Variants in SCMH1 observed in about 807,000 individuals in gnomAD.
The protein encoded by SCMH1 is polycomb protein SCMH1.
SCMH1 carries 37 observed loss-of-function variants against 70.8 expected under a neutral mutation model. That is an observed-to-expected ratio of 0.52 (90% CI 0.40 to 0.69). The LOEUF is 0.69. Among genes scored for constraint, SCMH1 ranks in the 30% least tolerant of loss-of-function variants. The probability of loss-of-function intolerance (pLI) is 0.00; values close to 1 mark genes in which losing one functional copy is unlikely to be tolerated. For synonymous variants in SCMH1, 292 were observed against 307.4 expected, an observed-to-expected ratio of 0.95 and a Z score of 0.52; for missense variants, 607 against 827.3, an observed-to-expected ratio of 0.73 and a Z score of 3.27.
intron 1 of SCMH1, among the ~76,000 whole-genome samples, chr1:41,234,292 A>C (rs1391954665): frequency 6.6e-6 from 1 of 152,030 alleles, no homozygotes; most frequent in Non-Finnish European, 1.5e-5. Flanking sequence ...CTTTAAAATA[A>C]TTCCACATAC....
intron 2 of SCMH1, chr1:41,163,161 T>C (rs1366804454): frequency 6.6e-6 from 1 of 152,348 alleles, no homozygotes; most frequent in East Asian, 1.9e-4. Context: ...CATTCTTTGG[T>C]GCCAGCCAGG....
chr1:41,158,342 T>C (rs990451090), intron 4 of SCMH1, among the ~76,000 whole-genome samples: 2 of 152,124 alleles, frequency 1.3e-5, no homozygotes, highest in Non-Finnish European at 2.9e-5. Context: ...CAGTCACCAC[T>C]AAGATAATGT....
chr1:41,205,954 C>T (rs948630338), intron 1 of SCMH1, among the ~76,000 whole-genome samples: 16 of 152,248 alleles, frequency 1.1e-4, no homozygotes, highest in African/African-American at 3.9e-4. Flanking sequence ...AGCTGAGGGA[C>T]CTGTTAGAAG....
intron 2 of SCMH1, among the ~76,000 whole-genome samples, chr1:41,180,531 A>C (rs12405755): frequency 0.078 from 11,887 of 152,262 alleles, 600 homozygotes; most frequent in South Asian, 0.13. Context: ...GCAAAAATCA[A>C]AAGCATTCTT....
chr1:41,028,219 T>G, exon 15 of SCMH1: 1 of 1,614,088 alleles, frequency 6.2e-7, no homozygotes, highest in Non-Finnish European at 8.5e-7. Context: ...CTTCAGCCGG[T>G]CAATGTGGTA....
At chr1:41,217,626 G>A (rs1248783709) in intron 1 of SCMH1, among the ~76,000 whole-genome samples, 1 of 152,184 alleles carries the variant, frequency 6.6e-6, no homozygotes, top group Non-Finnish European at 1.5e-5. Flanking sequence ...GCATTGCACA[G>A]GAGACTGACA....
At chr1:41,030,250 G>T (rs2148494468) in intron 13 of SCMH1, among the ~76,000 whole-genome samples, 1 of 152,104 alleles carries the variant, frequency 6.6e-6, no homozygotes, top group Non-Finnish European at 1.5e-5. Flanking sequence ...AGCAGTAATT[G>T]AACCATGTCA....
intron 1 of SCMH1, among the ~76,000 whole-genome samples, chr1:41,230,174 G>A (rs1661030348): frequency 1.3e-5 from 2 of 152,156 alleles, no homozygotes; most frequent in Admixed American, 6.5e-5. Flanking sequence ...TGTGGTGACC[G>A]CATTGGTGGA....
At chr1:41,090,954 G>A (rs922666538) in intron 8 of SCMH1, among the ~76,000 whole-genome samples, 1 of 150,892 alleles carries the variant, frequency 6.6e-6, no homozygotes, top group African/African-American at 2.4e-5. Context: ...CAGGAGAATG[G>A]TGTGAACCTG....
chr1:41,103,650 A>G (rs1667157773), intron 8 of SCMH1, among the ~76,000 whole-genome samples: 1 of 152,228 alleles, frequency 6.6e-6, no homozygotes, highest in African/African-American at 2.4e-5. Context: ...AAATTTATGA[A>G]CTGCATAAAT....
intron 13 of SCMH1, among the ~76,000 whole-genome samples, chr1:41,032,514 G>A (rs1344112296): frequency 6.6e-6 from 1 of 152,166 alleles, no homozygotes; most frequent in Non-Finnish European, 1.5e-5. Flanking sequence ...GAGGGAAGTG[G>A]CAGTGAAGAT....
chr1:41,173,845 T>C (rs1182147066), intron 2 of SCMH1, among the ~76,000 whole-genome samples: 1 of 151,934 alleles, frequency 6.6e-6, no homozygotes, highest in Non-Finnish European at 1.5e-5. Context: ...ATCAGGTTAA[T>C]GAAATAAGCC....
chr1:41,042,258 T>C (rs1410828200), intron 12 of SCMH1, among the ~76,000 whole-genome samples: 1 of 149,880 alleles, frequency 6.7e-6, no homozygotes, highest in Non-Finnish European at 1.5e-5. Flanking sequence ...GAAGGGGCTT[T>C]TTTTTTTTGA....
At chr1:41,081,954 G>A (rs1660165607) in intron 8 of SCMH1, among the ~76,000 whole-genome samples, 2 of 152,072 alleles carry the variant, frequency 1.3e-5, no homozygotes, top group African/African-American at 4.8e-5. Context: ...ATTCTGTGGA[G>A]AGAAAAAATG....
At chr1:41,146,739 G>A (rs184174002) in intron 5 of SCMH1, among the ~76,000 whole-genome samples, 17 of 152,170 alleles carry the variant, frequency 1.1e-4, no homozygotes, top group Non-Finnish European at 1.5e-4. Context: ...ATGTTCACAC[G>A]ACGATGAAAT....
chr1:41,142,786 G>A, intron 6 of SCMH1, 92 bp downstream of exon 6: 1 of 1,069,144 alleles, frequency 9.4e-7, no homozygotes, highest in Non-Finnish European at 1.4e-6. Flanking sequence ...GGGATAAGCT[G>A]GGTACCCTAG....
At chr1:41,159,675 AAAG>A in intron 4 of SCMH1, 3 of 1,501,266 alleles carry the variant, frequency 2.0e-6, no homozygotes, top group Non-Finnish European at 1.8e-6. Context: ...GGAAAGTTTT[AAAG>A]AATAATAAAA....
At chr1:41,166,092 C>T (rs1207932770) in intron 2 of SCMH1, among the ~76,000 whole-genome samples, 1 of 152,054 alleles carries the variant, frequency 6.6e-6, no homozygotes, top group African/African-American at 2.4e-5. Context: ...CCCAATACCA[C>T]CTTTTGAACA....
At chr1:41,111,246 C>T (rs1457743203) in intron 8 of SCMH1, among the ~76,000 whole-genome samples, 2 of 152,090 alleles carry the variant, frequency 1.3e-5, no homozygotes, top group East Asian at 3.9e-4. Flanking sequence ...TCTAATGGTT[C>T]CCTAATATGT....
Sources: gnomAD v4.1 joint callset for allele counts (sites outside exome capture counted in the v4.1 genomes callset) on GRCh38, gnomAD v4.1.1 for gene constraint, MANE v1.5 for transcripts, NCBI Gene and HGNC (gene_info 2026-07-23, HGNC 2026-07-21) for gene names.